Variants in WDPCP observed in about 807,000 individuals in gnomAD.
WDPCP encodes WD repeat containing planar cell polarity effector.
In WDPCP, 71 loss-of-function variants were observed where a neutral mutation model predicts 93.1. That is an observed-to-expected ratio of 0.76 (90% confidence interval 0.63 to 0.93). WDPCP has a LOEUF of 0.93. Ranked by LOEUF, WDPCP falls within the 40% of genes least tolerant of loss-of-function variation. WDPCP has a pLI of 0.00. For missense variants in WDPCP, 844 were observed against 887.4 expected (o/e 0.95, Z 0.62); for synonymous variants, 315 against 315.0 (o/e 1.00, Z 0.00).
At chr2:63,813,061 C>T (rs1308894891) in intron 2 of WDPCP, among the ~76,000 whole-genome samples, 1 of 151,996 alleles carries the variant, frequency 6.6e-6, no homozygotes, top group Non-Finnish European at 1.5e-5. Flanking sequence ...CACTACGTTG[C>T]CCAGGTTGGT....
chr2:63,272,369 A>C (rs1682731912), intron 13 of WDPCP, among the ~76,000 whole-genome samples: 1 of 152,234 alleles, frequency 6.6e-6, no homozygotes, highest in South Asian at 2.1e-4. Context: ...ATGAAAGCCA[A>C]TCTATAAAAC....
At chr2:63,640,903 G>A (rs1380701496) in intron 3 of WDPCP, among the ~76,000 whole-genome samples, 3 of 152,110 alleles carry the variant, frequency 2.0e-5, no homozygotes, top group African/African-American at 4.8e-5. Flanking sequence ...TCAAATGCTA[G>A]GTCTTATTCA....
At chr2:63,274,084 T>G (rs1302214811) in intron 13 of WDPCP, among the ~76,000 whole-genome samples, 1 of 152,128 alleles carries the variant, frequency 6.6e-6, no homozygotes, top group African/African-American at 2.4e-5. Context: ...TTCTCCAGGA[T>G]TGACCATATG....
chr2:63,720,444 A>G (rs998888474), intron 2 of WDPCP, among the ~76,000 whole-genome samples: 3 of 151,630 alleles, frequency 2.0e-5, no homozygotes, highest in Non-Finnish European at 2.9e-5. Flanking sequence ...AAACAAAACA[A>G]CAACAACAAA....
chr2:63,511,650 G>C (rs1702240412), intron 1 of WDPCP, among the ~76,000 whole-genome samples: 1 of 152,248 alleles, frequency 6.6e-6, no homozygotes, highest in South Asian at 2.1e-4. Flanking sequence ...AATGGGGAAA[G>C]GATTCCCTAT....
chr2:63,712,829 C>T (rs576164194), intron 2 of WDPCP, among the ~76,000 whole-genome samples: 29 of 152,246 alleles, frequency 1.9e-4, no homozygotes, highest in African/African-American at 7.0e-4. Flanking sequence ...CCCAAGTTGC[C>T]CTGCCTGCCT....
chr2:63,277,832 T>C (rs1683203269), intron 13 of WDPCP, among the ~76,000 whole-genome samples: 1 of 152,168 alleles, frequency 6.6e-6, no homozygotes, highest in Non-Finnish European at 1.5e-5. Flanking sequence ...TTACTGACAG[T>C]ACTAAACAGG....
At chr2:63,261,327 A>G (rs1681615058) in intron 13 of WDPCP, among the ~76,000 whole-genome samples, 1 of 152,126 alleles carries the variant, frequency 6.6e-6, no homozygotes, top group South Asian at 2.1e-4. Flanking sequence ...TAACTGTGCA[A>G]TTGAGGAACT....
intron 3 of WDPCP, among the ~76,000 whole-genome samples, chr2:63,631,418 A>C (rs1709863530): frequency 6.6e-6 from 1 of 152,120 alleles, no homozygotes; most frequent in Non-Finnish European, 1.5e-5. Flanking sequence ...TAGAAAAAGA[A>C]GAGAGAAAAA....
intron 2 of WDPCP, among the ~76,000 whole-genome samples, chr2:63,488,001 A>G (rs889733515): frequency 1.3e-5 from 2 of 152,082 alleles, no homozygotes; most frequent in Admixed American, 6.6e-5. Context: ...TGGATACATT[A>G]TTATCTGAAA....
intron 2 of WDPCP, among the ~76,000 whole-genome samples, chr2:63,695,655 G>A (rs1254930558): frequency 6.6e-6 from 1 of 151,964 alleles, no homozygotes; most frequent in Non-Finnish European, 1.5e-5. Context: ...TTTTTTAATA[G>A]ATAAAAGTAT....
intron 14 of WDPCP, among the ~76,000 whole-genome samples, chr2:63,256,602 C>G (rs1681172427): frequency 6.6e-6 from 1 of 152,140 alleles, no homozygotes; most frequent in East Asian, 1.9e-4. Context: ...TCAAACAGAT[C>G]TGCCTACCTA....
intron 2 of WDPCP, among the ~76,000 whole-genome samples, chr2:63,729,039 G>A (rs1669525528): frequency 2.6e-5 from 4 of 151,990 alleles, no homozygotes; most frequent in African/African-American, 4.8e-5. Context: ...GCCACTCCAC[G>A]TTATCCACAC....
chr2:63,824,800 A>G (rs1053937913), intron 1 of WDPCP, among the ~76,000 whole-genome samples: 1 of 152,126 alleles, frequency 6.6e-6, no homozygotes, highest in African/African-American at 2.4e-5. Context: ...ATAAATGAGA[A>G]TCAAATAGAT....
At chr2:63,446,046 C>A (rs1697839371) in intron 6 of WDPCP, among the ~76,000 whole-genome samples, 1 of 152,136 alleles carries the variant, frequency 6.6e-6, no homozygotes, top group Non-Finnish European at 1.5e-5. Flanking sequence ...CCTATATACT[C>A]CTTCACCACT....
At chr2:63,682,654 C>G (rs1668731001) in intron 2 of WDPCP, among the ~76,000 whole-genome samples, 2 of 151,616 alleles carry the variant, frequency 1.3e-5, no homozygotes, top group Admixed American at 1.3e-4. Flanking sequence ...ACTTTCTAAA[C>G]CTAGAGAAAG....
chr2:63,732,858 T>C (rs919852645), intron 2 of WDPCP, among the ~76,000 whole-genome samples: 7 of 152,106 alleles, frequency 4.6e-5, no homozygotes, highest in African/African-American at 1.7e-4. Flanking sequence ...GAGTAAATCA[T>C]TGAAACTTGA....
At chr2:63,238,670 A>G (rs1679611003) in intron 14 of WDPCP, among the ~76,000 whole-genome samples, 1 of 152,134 alleles carries the variant, frequency 6.6e-6, no homozygotes, top group Non-Finnish European at 1.5e-5. Context: ...CATATATGAC[A>G]TGGACCTTAC....
intron 2 of WDPCP, among the ~76,000 whole-genome samples, chr2:63,706,650 C>T (rs1216382710): frequency 1.5e-5 from 2 of 135,576 alleles, no homozygotes; most frequent in Non-Finnish European, 3.1e-5. Context: ...CGCTCTGTCG[C>T]CCAGGCTGGA....
Sources: gnomAD v4.1 joint callset for allele counts (sites outside exome capture counted in the v4.1 genomes callset) on GRCh38, gnomAD v4.1.1 for gene constraint, MANE v1.5 for transcripts, NCBI Gene and HGNC (gene_info 2026-07-23, HGNC 2026-07-21) for gene names.